IQGAP1: variants seen among roughly 807,000 people sequenced by gnomAD.
IQGAP1 encodes the protein IQ motif containing GTPase activating protein 1, also known as ras GTPase-activating-like protein IQGAP1.
IQGAP1 carries 66 observed loss-of-function variants against 215.6 expected under a neutral mutation model. That is an observed-to-expected ratio of 0.31 (90% CI 0.25 to 0.38). IQGAP1 has a LOEUF of 0.38. IQGAP1 is among the 10% of genes least tolerant of loss of function. IQGAP1 has a pLI of 1.00. For synonymous variants in IQGAP1, 772 were observed against 728.7 expected (o/e 1.06, Z -0.96); for missense variants, 1,712 against 1,997.1 (o/e 0.86, Z 2.72).
In IQGAP1 at chr15:90,461,010, A is replaced by AG. The variant is rs1426161733; in HGVS notation, c.1776+4695_1776+4696insG. Among the ~76,000 whole-genome samples, 149 of 149,090 alleles carry AG rather than the reference A, an allele frequency of 1.0e-3. 1 individual carries two copies. Among genetic ancestry groups the AG allele is most frequent in the African/African-American group, 3.6e-3 (144 of 40,462 alleles). ...CAAGACCCTGTCTTTAAAAAAAAAAAAAAAAAAAAAAAAGGGCTGGGCGCA... is the reference window on the plus strand; with the variant it reads ...CAAGACCCTGTCTTTAAAAAAAAAAAGAAAAAAAAAAAAAGGGCTGGGCGCA... On this transcript the variant is annotated intron_variant, in intron 15 of 37. Coordinates refer to ENST00000268182, the MANE Select transcript of IQGAP1 (RefSeq NM_003870.4).
chr15:90,487,946 G>A (rs1310181025), intron 33 of IQGAP1, among the ~76,000 whole-genome samples: 1 of 152,148 alleles, frequency 6.6e-6, no homozygotes, highest in East Asian at 1.9e-4. Context: ...TATTTGGCCG[G>A]GCATGGTGGC....
intron 10 of IQGAP1, 25 bp downstream of exon 10, chr15:90,448,761 G>A: frequency 2.0e-6 from 3 of 1,510,652 alleles, no homozygotes; most frequent in Non-Finnish European, 2.7e-6. Flanking sequence ...GATTGAAGCT[G>A]CAAGAGTTTG....
chr15:90,490,172 C>T (rs1013085747), intron 33 of IQGAP1, among the ~76,000 whole-genome samples: 2 of 152,210 alleles, frequency 1.3e-5, no homozygotes, highest in Non-Finnish European at 2.9e-5. Context: ...CAGAATATGG[C>T]ACCAGAGCCA....
chr15:90,391,582 G>C (rs972424976), intron 2 of IQGAP1: 1 of 152,424 alleles, frequency 6.6e-6, no homozygotes, highest in Non-Finnish European at 1.5e-5. Context: ...CTGCGGAGTG[G>C]CTGCTTGGTT....
Position 90,491,399 on chromosome 15 carries a change from A to G in IQGAP1, c.4315A>G (p.Lys1439Glu). The change falls in exon 34 of 38, where the codon AAA becomes GAA. Residue 1439 changes from lysine (K) to glutamate (E), a missense_variant. Physicochemically the swap from Lys to Glu is moderately conservative, Grantham distance 56 (BLOSUM62 1). Coordinates refer to ENST00000268182, the MANE Select transcript of IQGAP1 (RefSeq NM_003870.4). Reference sequence around the variant, plus strand: ...TGATGCCAAAACACCTGACAAGATGAAAAAGTCAAAATCTGTAAAGGAAGA... The same window carrying G: ...TGATGCCAAAACACCTGACAAGATGGAAAAGTCAAAATCTGTAAAGGAAGA... ...IRDAKTPDKM[K>E]KSKSVKEDSN... The G allele has an allele frequency of 6.2e-7, 1 of 1,614,196 alleles. No homozygotes were observed. Among genetic ancestry groups the G allele is most frequent in the Non-Finnish European group, 8.5e-7 (1 of 1,180,030 alleles).
intron 33 of IQGAP1, among the ~76,000 whole-genome samples, chr15:90,489,589 T>C (rs1050259098): frequency 2.6e-5 from 4 of 152,218 alleles, no homozygotes; most frequent in Non-Finnish European, 5.9e-5. Flanking sequence ...TAGCCAGCAA[T>C]AGGGCATCTG....
intron 15 of IQGAP1, among the ~76,000 whole-genome samples, chr15:90,464,362 C>G (rs569509927): frequency 2.0e-5 from 3 of 152,072 alleles, no homozygotes; most frequent in Non-Finnish European, 2.9e-5. Context: ...CTTTTGAGAT[C>G]GTTGAAACCT....
At chr15:90,403,489 G>C (rs1235554075) in intron 2 of IQGAP1, among the ~76,000 whole-genome samples, 3 of 152,092 alleles carry the variant, frequency 2.0e-5, no homozygotes, top group African/African-American at 7.2e-5. Flanking sequence ...CAGAGACTAT[G>C]CAAGTATATA....
Position 90,467,488 on chromosome 15 carries a change from G to T in IQGAP1, c.2074G>T (p.Gly692Cys). Residue 692 changes from glycine to cysteine, a missense_variant, in exon 18 of 38, where the codon GGT becomes TGT. Transcript: ENST00000268182. ...CAAGTGGGTGAAGCACTGGGTAAAA[G>T]GTGGATATTATTATTACCACAATCT... ...NSKWVKHWVKGGYYYYHNLET... is the reference protein window; with the variant it reads ...NSKWVKHWVKCGYYYYHNLET... The T allele has an allele frequency of 6.2e-7, 1 of 1,612,770 alleles. No homozygotes were observed. The highest frequency in any genetic ancestry group is 8.5e-7 in the Non-Finnish European group (1 of 1,179,488).
chr15:90,474,246 G>A (rs780786147), intron 22 of IQGAP1, 113 bp downstream of exon 22: 14 of 974,136 alleles, frequency 1.4e-5, no homozygotes, highest in Non-Finnish European at 2.1e-5. Context: ...GGGGGAGAGG[G>A]TGTGACCTGT....
chr15:90,388,318 A>T lies in IQGAP1; in HGVS notation c.-24A>T. The stretch of plus-strand genomic sequence containing the variant: ...GCCTCCAAGGTTTCACGGCTTCCTC[A>T]GCAGAGACTCGGGCTCGTCCGCCAT... On this transcript the variant is annotated 5_prime_UTR_variant, in exon 1 of 38. Coordinates refer to ENST00000268182, the MANE Select transcript of IQGAP1 (RefSeq NM_003870.4). 6.3e-7 allele frequency: 1 copy of T among 1,597,624 alleles called. No homozygotes were observed. The highest frequency in any genetic ancestry group is 8.5e-7 in the Non-Finnish European group (1 of 1,173,486).
At chr15:90,480,967 C>A (rs891268492) in intron 26 of IQGAP1, among the ~76,000 whole-genome samples, 2 of 152,194 alleles carry the variant, frequency 1.3e-5, no homozygotes, top group Non-Finnish European at 2.9e-5. Flanking sequence ...CACACCCGGC[C>A]TCTACTTGTA....
At chr15:90,492,486 A>G (rs1966219438) in intron 34 of IQGAP1, 59 bp from the exon 35 acceptor site, 2 of 1,191,106 alleles carry the variant, frequency 1.7e-6, no homozygotes, top group Non-Finnish European at 2.3e-6. Context: ...GCTGGGTTGT[A>G]GTGTGAAATG....
chr15:90,456,873 G>A (rs1321931662), intron 15 of IQGAP1, among the ~76,000 whole-genome samples: 1 of 148,948 alleles, frequency 6.7e-6, no homozygotes, highest in Non-Finnish European at 1.5e-5. Flanking sequence ...GGGGGACAGA[G>A]TAAGACTCCG....
chr15:90,492,964 C>CACACCTTCT (rs1160191944), intron 35 of IQGAP1, among the ~76,000 whole-genome samples: 8 of 152,062 alleles, frequency 5.3e-5, no homozygotes, highest in Non-Finnish European at 1.2e-4. Context: ...TTCTTGGGGC[C>CACACCTTCT]TGTCAAGGTG....
intron 9 of IQGAP1, among the ~76,000 whole-genome samples, chr15:90,444,279 G>GTGTGTGTGTATA (rs773341335): frequency 1.4e-5 from 1 of 72,976 alleles, no homozygotes; most frequent in African/African-American, 7.2e-5. Context: ...GTGTGTGTGT[G>GTGTGTGTGTATA]TATATATATA....
chr15:90,396,378 G>T (rs1271609069), intron 2 of IQGAP1, among the ~76,000 whole-genome samples: 1 of 152,144 alleles, frequency 6.6e-6, no homozygotes, highest in African/African-American at 2.4e-5. Flanking sequence ...AGCACTTCTA[G>T]AATTCTCAAA....
At chr15:90,420,852 A>G (rs945117948) in intron 2 of IQGAP1, among the ~76,000 whole-genome samples, 1 of 152,178 alleles carries the variant, frequency 6.6e-6, no homozygotes, top group African/African-American at 2.4e-5. Context: ...CCATAGTTTT[A>G]TTTTTAAATG....
chr15:90,395,565 C>A (rs1964705908), intron 2 of IQGAP1, among the ~76,000 whole-genome samples: 1 of 152,208 alleles, frequency 6.6e-6, no homozygotes, highest in South Asian at 2.1e-4. Context: ...CGTGATCCGC[C>A]CGCCTTGGCC....
Sources: gnomAD v4.1 joint callset for allele counts (sites outside exome capture counted in the v4.1 genomes callset) on GRCh38, gnomAD v4.1.1 for gene constraint, MANE v1.5 for transcripts, NCBI Gene and HGNC (gene_info 2026-07-23, HGNC 2026-07-21) for gene names.